The following MAB21L4 variants were observed in gnomAD, a reference collection of about 807,000 sequenced individuals.
MAB21L4 encodes the protein mab-21 like 4.
Under a neutral mutation model 32.4 loss-of-function variants are expected in MAB21L4, and 25 were observed. The observed-to-expected ratio is 0.77, with a 90% CI of 0.56 to 1.08. The LOEUF is 1.08. Among genes scored for constraint, MAB21L4 ranks in the 50% least tolerant of loss-of-function variants. The pLI is 0.00. For missense variants in MAB21L4, 638 were observed against 611.0 expected, an observed-to-expected ratio of 1.04 and a Z score of -0.47; for synonymous variants, 280 against 276.8, an observed-to-expected ratio of 1.01 and a Z score of -0.11.
At chr2:240,895,227 T>C (rs74002538) in intron 1 of MAB21L4, among the ~76,000 whole-genome samples, 2,535 of 152,332 alleles carry the variant, frequency 0.017, 58 homozygotes, top group African/African-American at 0.056. Context: ...TCATCTGTCT[T>C]GTTACAGGCA....
chr2:240,893,920 T>C (rs2059170765), intron 1 of MAB21L4, among the ~76,000 whole-genome samples: 1 of 151,676 alleles, frequency 6.6e-6, no homozygotes, highest in Admixed American at 6.6e-5. Context: ...GTTCAGAAGA[T>C]GCTGGAGCAG....
At chr2:240,895,342 T>TG in intron 1 of MAB21L4, 142 bp downstream of exon 1, 1 of 759,266 alleles carries the variant, frequency 1.3e-6, no homozygotes, top group Non-Finnish European at 2.1e-6. Context: ...GTGCGTGCAG[T>TG]CACACACAGA....
intron 1 of MAB21L4, among the ~76,000 whole-genome samples, chr2:240,892,403 T>C (rs565896982): frequency 6.2e-4 from 73 of 117,720 alleles, no homozygotes; most frequent in Admixed American, 2.5e-3. Flanking sequence ...CCCCTGCCAC[T>C]CAAATCAACT....
Position 240,895,801 on chromosome 2 carries a change from T to C in MAB21L4, c.197A>G (p.Glu66Gly). The C allele has an allele frequency of 6.2e-7, 1 of 1,603,636 alleles. No homozygotes were observed. The highest frequency in any genetic ancestry group is 8.5e-7 in the Non-Finnish European group (1 of 1,173,664). ...RFIVDYSRGL[E>G]AFQFALRSSE... ...GGAGCGCAGGGCGAACTGGAAGGCC[T>C]CCAGGCCACGGGAGTAGTCCACGAT... Residue 66 changes from glutamate to glycine, a missense_variant, in exon 1 of 5, where the codon GAG becomes GGG. Physicochemically the swap from Glu to Gly is moderately conservative, Grantham distance 98. Transcript: ENST00000388934.
chr2:240,893,525 G>A (rs1457151415), intron 1 of MAB21L4, among the ~76,000 whole-genome samples: 3 of 152,242 alleles, frequency 2.0e-5, no homozygotes, highest in African/African-American at 7.2e-5. Flanking sequence ...GAAGGCAGCT[G>A]CAACTGCACC....
At chr2:240,888,232 G>T in intron 4 of MAB21L4, 60 bp downstream of exon 4, 2 of 1,343,876 alleles carry the variant, frequency 1.5e-6, no homozygotes, top group Non-Finnish European at 2.0e-6. Context: ...CCAGGCCAGG[G>T]CTCCATTCCA....
rs761007381 is a variant in MAB21L4 at position 240,888,593 on chromosome 2, A to C, written c.950T>G (p.Leu317Arg). Residue 317 changes from leucine (L) to arginine (R), a missense_variant, in exon 4 of 5, where the codon CTG becomes CGG. By Grantham distance (102) the Leu-to-Arg change is moderately radical. Coordinates refer to ENST00000388934, the MANE Select transcript of MAB21L4 (RefSeq NM_001085437.3). Reference protein sequence around the residue: ...LFLAPEDWAELQGAVYRLLVV... With the variant: ...LFLAPEDWAERQGAVYRLLVV... ...CAGCAGGCGGTACACGGCGCCCTGC[A>C]GTTCTGCCCAGTCCTCGGGCGCCAG... The C allele has an allele frequency of 6.2e-7, 1 of 1,604,894 alleles. No individual in the cohort carries two copies.
At chr2:240,889,928 G>A in intron 3 of MAB21L4, 77 bp downstream of exon 3, 1 of 1,490,774 alleles carries the variant, frequency 6.7e-7, no homozygotes, top group Non-Finnish European at 9.1e-7. Context: ...AGTCAGGGCT[G>A]GCAGGAGGGA....
At position 240,891,850 on chromosome 2, in the gene MAB21L4, C is replaced by T. The variant is rs1434530244; in HGVS notation, c.515-87G>A. On this transcript the variant is annotated intron_variant, in intron 1 of 4. Coordinates refer to ENST00000388934, the MANE Select transcript of MAB21L4 (RefSeq NM_001085437.3). ...GCCCTCCTCCTGCTGCCAACTTGGC[C>T]CCTGCCCCTCATCACCTCTCACCTG... is the stretch of plus-strand genomic sequence containing the variant. 9.4e-6 allele frequency: 15 copies of T among 1,587,684 alleles called. No individual in the cohort carries two copies. In the East Asian group the frequency reaches 3.4e-4, roughly 36 times the overall value.
At chr2:240,890,268 C>T (rs1333921281) in intron 2 of MAB21L4, 110 bp from the exon 3 acceptor site, 21 of 1,353,798 alleles carry the variant, frequency 1.6e-5, no homozygotes, top group African/African-American at 4.4e-5. Flanking sequence ...TGCTGTGCTG[C>T]GTCTGCTGGT....
intron 3 of MAB21L4, 42 bp from the exon 4 acceptor site, chr2:240,888,690 G>GGCCCACCCT: frequency 9.0e-7 from 1 of 1,112,686 alleles, no homozygotes; most frequent in Non-Finnish European, 1.1e-6. Context: ...TGGCCCACCC[G>GGCCCACCCT]GCCCACCCTG....
Position 240,886,933 on chromosome 2 carries a change from G to T in MAB21L4, c.*137C>A. On this transcript the variant is annotated 3_prime_UTR_variant, in exon 5 of 5. Coordinates refer to ENST00000388934, the MANE Select transcript of MAB21L4 (RefSeq NM_001085437.3). ...CACTGAAAGACTCTCAGAGGCCACT[G>T]CTGGGGACAAAATCCCTCCACTACC... 1 of 652,096 alleles carries T rather than the reference G, an allele frequency of 1.5e-6. No individual in the cohort carries two copies. Among genetic ancestry groups the T allele is most frequent in the Non-Finnish European group, 2.6e-6 (1 of 379,462 alleles). 40.4% of individuals were successfully genotyped at this position (652,096 alleles called of 1,614,324 possible). A position where few individuals can be genotyped will look rare whatever the true frequency, so the allele number is the denominator to read the frequency against.
rs559666531 is a variant in MAB21L4 at position 240,893,703 on chromosome 2, C to T, written c.514+1781G>A. ...CCAGCGCAGCTTCAGGGGCTGTGGG[C>T]GCGGCCTGCAGTATCGAGTCTGCTT... On this transcript the variant is annotated intron_variant, in intron 1 of 4. Coordinates refer to ENST00000388934, the MANE Select transcript of MAB21L4 (RefSeq NM_001085437.3). Among the ~76,000 whole-genome samples the T allele has an allele frequency of 6.1e-5, 9 of 146,564 alleles. No homozygotes were observed. In the East Asian group the frequency reaches 1.2e-3, roughly 20 times the overall value.
chr2:240,887,174 G>T lies in MAB21L4; in HGVS notation c.1252-12C>A, dbSNP rs572489687. The T allele has an allele frequency of 3.1e-6, 5 of 1,611,204 alleles. No individual in the cohort carries two copies. Among genetic ancestry groups the T allele is most frequent in the South Asian group, 2.2e-5 (2 of 91,014 alleles). ...TTGAAGACCTGGAACTACAGGCAGGGTTGCAGGGGAGAAGGGTTACAGGGA... is the reference window on the plus strand; with the variant it reads ...TTGAAGACCTGGAACTACAGGCAGGTTTGCAGGGGAGAAGGGTTACAGGGA... On this transcript the variant is annotated splice_polypyrimidine_tract_variant and intron_variant, in intron 4 of 4. Transcript: ENST00000388934.
intron 4 of MAB21L4, 62 bp from the exon 5 acceptor site, chr2:240,887,224 C>T: frequency 3.6e-6 from 5 of 1,387,304 alleles, no homozygotes; most frequent in Non-Finnish European, 5.1e-6. Context: ...GATAAGCTCT[C>T]AGGGCCGAGA....
In MAB21L4 at chr2:240,886,826, A is replaced by G. The variant is rs903440982; in HGVS notation, c.*244T>C. The G allele has an allele frequency of 2.0e-6, 1 of 500,136 alleles. No individual in the cohort carries two copies. Among genetic ancestry groups the G allele is most frequent in the Non-Finnish European group, 3.5e-6 (1 of 282,824 alleles). 31.0% of individuals were successfully genotyped at this position (500,136 alleles called of 1,614,324 possible). ...ACACCACGTGGCTGGGTCAACATGC[A>G]CCACATGGAGAGCTTGGCACCTGCA... On this transcript the variant is annotated 3_prime_UTR_variant, in exon 5 of 5. Coordinates refer to ENST00000388934, the MANE Select transcript of MAB21L4 (RefSeq NM_001085437.3).
chr2:240,889,897 G>T, intron 3 of MAB21L4, 108 bp downstream of exon 3: 1 of 1,310,210 alleles, frequency 7.6e-7, no homozygotes, highest in Non-Finnish European at 1.0e-6. Context: ...TCCGACTTGG[G>T]ACTCATAGCA....
Position 240,895,820 on chromosome 2 carries a change from C to T in MAB21L4, c.178G>A (p.Asp60Asn). Residue 60 changes from aspartate (D) to asparagine (N), a missense_variant, in exon 1 of 5, where the codon GAC becomes AAC. Asp to Asn is a conservative substitution (Grantham distance 23). Transcript: ENST00000388934. ...VHALDPRFIV[D>N]YSRGLEAFQF... ...AAGGCCTCCAGGCCACGGGAGTAGT[C>T]CACGATGAAGCGGGGGTCCAGGGCA... 6.3e-7 allele frequency: 1 copy of T among 1,593,112 alleles called. No homozygotes were observed. The highest frequency in any genetic ancestry group is 8.6e-7 in the Non-Finnish European group (1 of 1,167,336).
At chr2:240,893,764 C>G (rs764479247) in intron 1 of MAB21L4, among the ~76,000 whole-genome samples, 1 of 152,212 alleles carries the variant, frequency 6.6e-6, no homozygotes, top group Non-Finnish European at 1.5e-5. Context: ...AGGAGCCTGG[C>G]GGCTTAGAGC....
Sources: allele counts gnomAD v4.1 joint callset (sites outside exome capture counted in the v4.1 genomes callset), GRCh38; gene constraint gnomAD v4.1.1; transcripts MANE v1.5; gene names NCBI Gene and HGNC (gene_info 2026-07-23, HGNC 2026-07-21).